The following DTHD1 variants were observed in gnomAD, a reference collection of about 807,000 sequenced individuals.
The protein encoded by DTHD1 is death domain-containing protein 1.
Under a neutral mutation model 74.8 loss-of-function variants are expected in DTHD1, and 59 were observed. The ratio of observed to expected loss-of-function variants is 0.79; its 90% CI spans 0.64 to 0.98. The LOEUF (loss-of-function observed/expected upper bound fraction) is 0.98. DTHD1 is among the 50% of genes least tolerant of loss of function. DTHD1 has a pLI of 0.00. For missense variants in DTHD1, 1,051 were observed against 1,065.4 expected (o/e 0.99, Z 0.19); for synonymous variants, 365 against 371.1 (o/e 0.98, Z 0.19).
chr4:36,345,003 T>C lies in DTHD1; in HGVS notation c.*1179T>C, dbSNP rs1219559205. 1.3e-5 allele frequency: 2 copies of C among 152,188 alleles called. No homozygotes were observed. The highest frequency in any genetic ancestry group is 6.6e-5 in the Admixed American group (1 of 15,260). The allele number at this position is 152,188 out of a possible 1,614,324, so 9.4% of individuals were successfully genotyped here. ...CATTTACTGGCACAGACTTTTCCTTTATAAAAATATAACTTGGAAGAGGGA... is the reference window on the plus strand; with the variant it reads ...CATTTACTGGCACAGACTTTTCCTTCATAAAAATATAACTTGGAAGAGGGA... On this transcript the variant is annotated 3_prime_UTR_variant, in exon 10 of 10. Transcript: ENST00000639862.
At position 36,281,618 on chromosome 4, in the gene DTHD1, C is replaced by T; in HGVS notation, c.-141C>T. ...ACTAGTCAACACCAAACTGAATAAC[C>T]ACTATGTTGTGAGAAAGTGCTGGGC... is the stretch of plus-strand genomic sequence containing the variant. On this transcript the variant is annotated 5_prime_UTR_variant, in exon 1 of 10. Transcript: ENST00000639862. 1 of 1,209,916 alleles carries T rather than the reference C, an allele frequency of 8.3e-7. No homozygotes were observed. The highest frequency in any genetic ancestry group is 1.0e-6 in the Non-Finnish European group (1 of 968,926). 74.9% of individuals were successfully genotyped at this position (1,209,916 alleles called of 1,614,324 possible). A position where few individuals can be genotyped will look rare whatever the true frequency, so the allele number is the denominator to read the frequency against.
chr4:36,291,115 T>C (rs1363708846), intron 3 of DTHD1, among the ~76,000 whole-genome samples: 1 of 152,222 alleles, frequency 6.6e-6, no homozygotes, highest in Admixed American at 6.5e-5. Context: ...AGATAAAAAA[T>C]TTAAAAATTT....
At chr4:36,324,981 A>G (rs1758257394) in intron 8 of DTHD1, among the ~76,000 whole-genome samples, 1 of 152,168 alleles carries the variant, frequency 6.6e-6, no homozygotes, top group Admixed American at 6.5e-5. Context: ...TGAGTTTCAC[A>G]CAAGAGAGAT....
intron 2 of DTHD1, among the ~76,000 whole-genome samples, chr4:36,289,886 A>G (rs901287650): frequency 1.3e-5 from 2 of 152,032 alleles, no homozygotes; most frequent in Admixed American, 1.3e-4. Context: ...CTAAAAATAT[A>G]TAATCATCAT....
chr4:36,293,448 A>T, intron 3 of DTHD1, 78 bp from the exon 4 acceptor site: 1 of 1,192,732 alleles, frequency 8.4e-7, no homozygotes, highest in Non-Finnish European at 1.1e-6. Flanking sequence ...GATTTTTTTG[A>T]CAATCCATAG....
chr4:36,336,195 A>G (rs1759001389), intron 8 of DTHD1, among the ~76,000 whole-genome samples: 1 of 152,242 alleles, frequency 6.6e-6, no homozygotes, highest in African/African-American at 2.4e-5. Context: ...AAATTTGTCC[A>G]GCATTTCTCC....
At chr4:36,336,181 C>G (rs78824471) in intron 8 of DTHD1, among the ~76,000 whole-genome samples, 1,844 of 152,242 alleles carry the variant, frequency 0.012, 26 homozygotes, top group African/African-American at 0.042. Context: ...GGAGAGTCAC[C>G]TTTAAATTTG....
intron 8 of DTHD1, among the ~76,000 whole-genome samples, chr4:36,328,006 T>G (rs1758450835): frequency 6.6e-6 from 1 of 152,148 alleles, no homozygotes; most frequent in African/African-American, 2.4e-5. Context: ...AGATTGATGT[T>G]ATGAAAGAGT....
chr4:36,289,030 C>T lies in DTHD1; in HGVS notation c.888-1343C>T, dbSNP rs554769340. On this transcript the variant is annotated intron_variant, in intron 2 of 9. Coordinates refer to ENST00000639862, the MANE Select transcript of DTHD1 (RefSeq NM_001170700.3). ...ATTGTAAACATAAATCAATGACCCT[C>T]TCTGCAATTTCTACATATTTTTTGG... 3.3e-5 allele frequency among the ~76,000 whole-genome samples: 5 copies of T among 152,348 alleles called. No individual in the cohort carries two copies. The South Asian group carries it at 1.0e-3, about 32-fold the overall frequency.
chr4:36,294,584 T>G (rs1756274798), intron 4 of DTHD1, among the ~76,000 whole-genome samples: 1 of 151,932 alleles, frequency 6.6e-6, no homozygotes, highest in South Asian at 2.1e-4. Flanking sequence ...GAACCCAGAT[T>G]TCAGAAGGAC....
At chr4:36,338,813 T>G (rs1759154408) in intron 8 of DTHD1, among the ~76,000 whole-genome samples, 1 of 152,180 alleles carries the variant, frequency 6.6e-6, no homozygotes, top group African/African-American at 2.4e-5. Flanking sequence ...GCTAGTTGGT[T>G]TAACAGTTTT....
intron 8 of DTHD1, among the ~76,000 whole-genome samples, chr4:36,334,956 G>C (rs948355032): frequency 6.6e-6 from 1 of 152,172 alleles, no homozygotes; most frequent in Non-Finnish European, 1.5e-5. Context: ...GCAAATGTAA[G>C]TACTGATATA....
At chr4:36,343,331 C>T (rs1759424922) in intron 9 of DTHD1, among the ~76,000 whole-genome samples, 171 bp from the exon 10 acceptor site, 1 of 152,114 alleles carries the variant, frequency 6.6e-6, no homozygotes, top group African/African-American at 2.4e-5. Flanking sequence ...TCCCAGAATG[C>T]CAGGGATTCA....
In DTHD1 at chr4:36,308,678, A is replaced by G. The variant is rs1757203917; in HGVS notation, c.2095+185A>G. 5.3e-5 allele frequency among the ~76,000 whole-genome samples: 8 copies of G among 152,324 alleles called. No homozygotes were observed. The South Asian group carries it at 1.7e-3, about 32-fold the overall frequency. On this transcript the variant is annotated intron_variant, in intron 7 of 9. Coordinates refer to ENST00000639862, the MANE Select transcript of DTHD1 (RefSeq NM_001170700.3). Reference sequence around the variant, plus strand: ...GTTCCTATTTCTTTATTCTCTACTTAGGGAATGCATGTTCCTTTATGGGAA... The same window carrying G: ...GTTCCTATTTCTTTATTCTCTACTTGGGGAATGCATGTTCCTTTATGGGAA...
chr4:36,343,629 T>A lies in DTHD1; in HGVS notation c.2526T>A (p.Asp842Glu), dbSNP rs1238099417. The A allele has an allele frequency of 1.3e-6, 2 of 1,551,938 alleles. No individual in the cohort carries two copies. The highest frequency in any genetic ancestry group is 1.7e-6 in the Non-Finnish European group (2 of 1,146,976). Reference protein sequence around the residue: ...TIQLIKLKNPDDLTEQIHEFL... With the variant: ...TIQLIKLKNPEDLTEQIHEFL... Reference sequence around the variant, plus strand: ...AGCTCATCAAACTCAAGAACCCTGATGATCTCACAGAACAGATCCACGAGT... The same window carrying A: ...AGCTCATCAAACTCAAGAACCCTGAAGATCTCACAGAACAGATCCACGAGT... Residue 842 changes from aspartate to glutamate, a missense_variant, in exon 10 of 10, where the codon GAT (aspartate) becomes GAA (glutamate). By Grantham distance (45) the Asp-to-Glu change is conservative. Coordinates refer to ENST00000639862, the MANE Select transcript of DTHD1 (RefSeq NM_001170700.3).
At chr4:36,334,191 T>C (rs1467990332) in intron 8 of DTHD1, among the ~76,000 whole-genome samples, 1 of 152,132 alleles carries the variant, frequency 6.6e-6, no homozygotes, top group East Asian at 1.9e-4. Context: ...GCTTTTTCTA[T>C]GTGCACTCAG....
chr4:36,332,695 T>C (rs1388500854), intron 8 of DTHD1: 4 of 152,256 alleles, frequency 2.6e-5, no homozygotes, highest in Admixed American at 6.5e-5. Flanking sequence ...TCCCAAGCAC[T>C]GTCAGAGACT....
At chr4:36,343,413 A>G in intron 9 of DTHD1, 89 bp from the exon 10 acceptor site, 3 of 1,254,310 alleles carry the variant, frequency 2.4e-6, no homozygotes, top group South Asian at 3.1e-5. Flanking sequence ...AAGAGCAGGG[A>G]GACTTCCTAT....
chr4:36,335,362 C>A (rs1758951086), intron 8 of DTHD1, among the ~76,000 whole-genome samples: 1 of 151,886 alleles, frequency 6.6e-6, no homozygotes, highest in Admixed American at 6.6e-5. Flanking sequence ...TAGCTGAGAC[C>A]ACAGGAGTAA....
Sources: allele counts gnomAD v4.1 joint callset (sites outside exome capture counted in the v4.1 genomes callset), GRCh38; gene constraint gnomAD v4.1.1; transcripts MANE v1.5; gene names NCBI Gene and HGNC (gene_info 2026-07-23, HGNC 2026-07-21).